The following GPC6 variants were observed in gnomAD, a reference collection of about 807,000 sequenced individuals.
The protein encoded by GPC6 is glypican 6, also known as glypican-6.
In GPC6, 14 loss-of-function variants were observed where a neutral mutation model predicts 55.2. The observed-to-expected ratio is 0.25, with a 90% CI of 0.17 to 0.40. The LOEUF is 0.40. Ranked by LOEUF, GPC6 falls within the 10% of genes least tolerant of loss-of-function variation. The pLI is 1.00. For missense variants in GPC6, 641 were observed against 708.5 expected (o/e 0.90, Z 1.08); for synonymous variants, 278 against 259.6 (o/e 1.07, Z -0.68).
chr13:94,230,218 G>T (rs1890680180), intron 4 of GPC6, among the ~76,000 whole-genome samples: 1 of 152,088 alleles, frequency 6.6e-6, no homozygotes, highest in Admixed American at 6.6e-5. Context: ...CTTATCTAGA[G>T]AAAAGGAATT....
rs188499962 is a variant in GPC6, at chr13:93,392,502, T to C, written c.161-152761T>C. On this transcript the variant is annotated intron_variant, in intron 1 of 8. Transcript: ENST00000377047. ...TACTCTAGCTAATAGATCTCCTAAT[T>C]TGCAGAAATACCCCAATGCAAGGTT... 2.8e-4 allele frequency among the ~76,000 whole-genome samples: 42 copies of C among 152,316 alleles called. No individual in the cohort carries two copies. In the East Asian group the frequency reaches 6.6e-3, roughly 24 times the overall value.
At position 93,742,534 on chromosome 13, in the gene GPC6, G is replaced by A. The variant is rs531529834; in HGVS notation, c.320-87620G>A. Among the ~76,000 whole-genome samples, 3 of 152,242 alleles carry A rather than the reference G, an allele frequency of 2.0e-5. No homozygotes were observed. In the East Asian group the frequency reaches 5.8e-4, roughly 29 times the overall value. ...CCTTGTGAACAAGATGGATAAATGT[G>A]GGCCAGATGACAAGACAGACAAGTG... On this transcript the variant is annotated intron_variant, in intron 2 of 8. Transcript: ENST00000377047.
chr13:94,230,703 G>T (rs1594080185), intron 4 of GPC6, among the ~76,000 whole-genome samples: 1 of 152,270 alleles, frequency 6.6e-6, no homozygotes, highest in East Asian at 1.9e-4. Context: ...TGTTGAGAGT[G>T]TTGCAAAAAA....
intron 4 of GPC6, among the ~76,000 whole-genome samples, chr13:94,243,052 C>A (rs964376568): frequency 4.6e-5 from 7 of 151,946 alleles, no homozygotes; most frequent in Non-Finnish European, 8.8e-5. Flanking sequence ...TCTCCATATA[C>A]AGCTGACAGT....
chr13:94,273,151 C>G (rs1037378717), intron 4 of GPC6, among the ~76,000 whole-genome samples: 1 of 152,180 alleles, frequency 6.6e-6, no homozygotes, highest in Admixed American at 6.5e-5. Context: ...TAGGAACAGT[C>G]TCCCTGATAG....
intron 1 of GPC6, among the ~76,000 whole-genome samples, chr13:93,243,492 T>C (rs1234343518): frequency 6.6e-6 from 1 of 152,174 alleles, no homozygotes; most frequent in Non-Finnish European, 1.5e-5. Context: ...TGCTCTTAGC[T>C]CCAGAGACAA....
rs147016491 is a variant in GPC6 at position 93,314,906 on chromosome 13, T to G, written c.160+87290T>G. Among the ~76,000 whole-genome samples the G allele has an allele frequency of 3.4e-3, 516 of 152,224 alleles. 3 individuals are homozygous for G. The highest frequency in any genetic ancestry group is 5.4e-3 in the Non-Finnish European group (366 of 67,992). ...GTGCTTTTTTGTTTTGTTTTGTTTG[T>G]TTGTTTGTTTTTTGGTAACTCAGTT... On this transcript the variant is annotated intron_variant, in intron 1 of 8. Transcript: ENST00000377047.
chr13:93,323,825 A>G lies in GPC6; in HGVS notation c.160+96209A>G, dbSNP rs2038723. On this transcript the variant is annotated intron_variant, in intron 1 of 8. Coordinates refer to ENST00000377047, the MANE Select transcript of GPC6 (RefSeq NM_005708.5). ...AGGTAGTTTCCTTTGGGAATAGGTC[A>G]AGAAAAGCTTTATTAAATTATGCCA... 8.7e-3 allele frequency among the ~76,000 whole-genome samples: 1,327 copies of G among 152,308 alleles called. 24 individuals are homozygous for G. Among genetic ancestry groups the G allele is most frequent in the African/African-American group, 0.031 (1,283 of 41,568 alleles).
intron 1 of GPC6, among the ~76,000 whole-genome samples, chr13:93,274,109 T>C (rs1877647281): frequency 6.6e-6 from 1 of 152,184 alleles, no homozygotes; most frequent in Non-Finnish European, 1.5e-5. Flanking sequence ...CCTCATTTTT[T>C]AAGGGAAATG....
chr13:93,408,430 A>G (rs984135789), intron 1 of GPC6, among the ~76,000 whole-genome samples: 4 of 152,156 alleles, frequency 2.6e-5, no homozygotes, highest in African/African-American at 9.7e-5. Context: ...CTTATGCAGG[A>G]GCAAGTCTTG....
chr13:94,273,448 A>G (rs1892106420), intron 4 of GPC6, among the ~76,000 whole-genome samples: 1 of 152,238 alleles, frequency 6.6e-6, no homozygotes. Context: ...CAGAGTTACT[A>G]TGAGAGACTT....
At chr13:93,550,551 G>A (rs1342035810) in intron 2 of GPC6, among the ~76,000 whole-genome samples, 1 of 152,012 alleles carries the variant, frequency 6.6e-6, no homozygotes, top group Admixed American at 6.6e-5. Context: ...CCATTGAACT[G>A]GATGCAGAAA....
intron 1 of GPC6, among the ~76,000 whole-genome samples, chr13:93,309,916 G>T (rs1282295341): frequency 6.6e-6 from 1 of 152,134 alleles, no homozygotes; most frequent in Non-Finnish European, 1.5e-5. Flanking sequence ...TACTTGTATT[G>T]TAAAAAGTGA....
chr13:93,443,364 C>A (rs925502617), intron 1 of GPC6, among the ~76,000 whole-genome samples: 4 of 152,022 alleles, frequency 2.6e-5, no homozygotes, highest in Admixed American at 2.6e-4. Context: ...CAAATGATAG[C>A]AAAATAAGTA....
At chr13:93,621,094 A>G (rs993056946) in intron 2 of GPC6, among the ~76,000 whole-genome samples, 1 of 152,178 alleles carries the variant, frequency 6.6e-6, no homozygotes, top group Non-Finnish European at 1.5e-5. Flanking sequence ...TTTCTTGCTT[A>G]TGCTACATGA....
At chr13:93,660,030 A>G (rs893047229) in intron 2 of GPC6, among the ~76,000 whole-genome samples, 7 of 152,074 alleles carry the variant, frequency 4.6e-5, no homozygotes, top group African/African-American at 1.7e-4. Context: ...TTCTCTTTTT[A>G]TTGCTATAAT....
chr13:94,217,816 A>T (rs1479867938), intron 4 of GPC6, among the ~76,000 whole-genome samples: 11 of 152,204 alleles, frequency 7.2e-5, no homozygotes, highest in African/African-American at 2.7e-4. Context: ...CTTACATTGT[A>T]TCCTAGAAAT....
chr13:94,030,041 C>T (rs1307888606), intron 4 of GPC6, among the ~76,000 whole-genome samples: 3 of 145,892 alleles, frequency 2.1e-5, no homozygotes, highest in African/African-American at 7.7e-5. Flanking sequence ...CTTGCTCTGT[C>T]GCCCAGGCTG....
chr13:94,092,702 C>T (rs1302259752), intron 4 of GPC6, among the ~76,000 whole-genome samples: 1 of 152,118 alleles, frequency 6.6e-6, no homozygotes, highest in Non-Finnish European at 1.5e-5. Context: ...TGGGGAACCT[C>T]CACACTGTTT....
Sources: gnomAD v4.1 joint callset for allele counts (sites outside exome capture counted in the v4.1 genomes callset) on GRCh38, gnomAD v4.1.1 for gene constraint, MANE v1.5 for transcripts, NCBI Gene and HGNC (gene_info 2026-07-23, HGNC 2026-07-21) for gene names.